The following RAD54B variants were observed in gnomAD, a reference collection of about 807,000 sequenced individuals.
RAD54B encodes the protein DNA repair and recombination protein RAD54B.
Under a neutral mutation model 95.8 loss-of-function variants are expected in RAD54B, and 78 were observed. That is an observed-to-expected ratio of 0.81 (90% confidence interval 0.68 to 0.98). The LOEUF (loss-of-function observed/expected upper bound fraction) is 0.98. Ranked by LOEUF, RAD54B falls within the 50% of genes least tolerant of loss-of-function variation. RAD54B has a pLI of 0.00. For synonymous variants in RAD54B, 328 were observed against 354.9 expected, an observed-to-expected ratio of 0.92 and a Z score of 0.85; for missense variants, 957 against 1,056.6, an observed-to-expected ratio of 0.91 and a Z score of 1.31.
At chr8:94,431,081 G>T (rs904906616) in intron 3 of RAD54B, 1 of 984,632 alleles carries the variant, frequency 1.0e-6, no homozygotes, top group Admixed American at 6.2e-5. Context: ...CAAAACCCCA[G>T]CAAAAATAGA....
intron 3 of RAD54B, among the ~76,000 whole-genome samples, chr8:94,423,858 A>G (rs1811879482): frequency 6.6e-6 from 1 of 152,218 alleles, no homozygotes; most frequent in African/African-American, 2.4e-5. Context: ...TTAAAAACTG[A>G]CAAAATCTTT....
At chr8:94,426,661 A>T (rs1265548012) in intron 3 of RAD54B, among the ~76,000 whole-genome samples, 1 of 152,196 alleles carries the variant, frequency 6.6e-6, no homozygotes, top group African/African-American at 2.4e-5. Context: ...ACTTATCTAT[A>T]ATTTTTTTTA....
intron 3 of RAD54B, chr8:94,436,929 A>G: frequency 6.9e-7 from 1 of 1,456,864 alleles, no homozygotes; most frequent in Non-Finnish European, 9.0e-7. Flanking sequence ...AGCTCTGCTC[A>G]GCTCTTTTCA....
intron 4 of RAD54B, 127 bp from the exon 5 acceptor site, chr8:94,407,847 G>A: frequency 4.9e-6 from 3 of 618,210 alleles, no homozygotes; most frequent in South Asian, 7.9e-5. Flanking sequence ...CAAAATGGAA[G>A]CATAATTTAA....
intron 11 of RAD54B, among the ~76,000 whole-genome samples, chr8:94,380,824 C>A (rs1232631898): frequency 2.0e-5 from 3 of 152,198 alleles, no homozygotes; most frequent in Non-Finnish European, 4.4e-5. Context: ...ATTTGCACCA[C>A]AGAATCTTGC....
chr8:94,414,301 A>G (rs528090912), intron 3 of RAD54B, among the ~76,000 whole-genome samples: 36 of 152,286 alleles, frequency 2.4e-4, no homozygotes, highest in African/African-American at 7.9e-4. Flanking sequence ...CTCTTTTCCT[A>G]ATTGAATACC....
chr8:94,378,827 A>T (rs1810664814), intron 12 of RAD54B, among the ~76,000 whole-genome samples, 193 bp from the exon 13 acceptor site: 1 of 152,252 alleles, frequency 6.6e-6, no homozygotes, highest in Non-Finnish European at 1.5e-5. Context: ...GGATGAGTGA[A>T]CACTTACTAT....
intron 3 of RAD54B, chr8:94,430,273 T>C (rs1812056718): frequency 2.2e-6 from 2 of 890,716 alleles, no homozygotes; most frequent in Non-Finnish European, 2.7e-6. Flanking sequence ...ATCGCACCAC[T>C]GCACTCCAAC....
In RAD54B at chr8:94,411,325, A is replaced by T. The variant is rs755158468; in HGVS notation, c.305-10T>A. Reference sequence around the variant, plus strand: ...TTAGGAGCCGAATGAACTACAATTAAAAAAAAAACACACATTATTAAAAAT... The same window carrying T: ...TTAGGAGCCGAATGAACTACAATTATAAAAAAAACACACATTATTAAAAAT... On this transcript the variant is annotated splice_polypyrimidine_tract_variant and intron_variant, in intron 3 of 14. Transcript: ENST00000336148. The T allele has an allele frequency of 6.5e-7, 1 of 1,539,018 alleles. No individual in the cohort carries two copies. The highest frequency in any genetic ancestry group is 1.3e-5 in the South Asian group (1 of 79,020).
intron 3 of RAD54B, chr8:94,430,562 G>T: frequency 2.9e-6 from 2 of 693,608 alleles, no homozygotes; most frequent in Non-Finnish European, 3.5e-6. Context: ...CTTGGAAATG[G>T]ATTTACATTT....
At chr8:94,435,912 T>C (rs1373596664) in intron 3 of RAD54B, among the ~76,000 whole-genome samples, 1 of 152,142 alleles carries the variant, frequency 6.6e-6, no homozygotes, top group Non-Finnish European at 1.5e-5. Flanking sequence ...CTCCCTTTAG[T>C]TGTGTTCATC....
chr8:94,459,294 A>C (rs1209315208), intron 2 of RAD54B, among the ~76,000 whole-genome samples: 4 of 151,572 alleles, frequency 2.6e-5, no homozygotes, highest in African/African-American at 9.7e-5. Flanking sequence ...CTGGAACTAC[A>C]AGCATGTGCC....
At chr8:94,456,033 G>C (rs544591679) in intron 3 of RAD54B, among the ~76,000 whole-genome samples, 4 of 152,226 alleles carry the variant, frequency 2.6e-5, no homozygotes, top group Non-Finnish European at 4.4e-5. Context: ...TTTGGTTTTT[G>C]AAAGCCCAGG....
At chr8:94,399,700 G>A in intron 7 of RAD54B, 79 bp from the exon 8 acceptor site, 1 of 1,458,450 alleles carries the variant, frequency 6.9e-7, no homozygotes. Flanking sequence ...ATTCCTGACA[G>A]TCACTTACTA....
chr8:94,459,122 TCTCA>T lies in RAD54B; in HGVS notation c.136-690_136-687del, dbSNP rs200982644. Among the ~76,000 whole-genome samples, 1,218 of 152,218 alleles carry T rather than the reference TCTCA, an allele frequency of 8.0e-3. 13 individuals carry two copies. Among genetic ancestry groups the T allele is most frequent in the African/African-American group, 0.026 (1,095 of 41,534 alleles). ...ATATTTTTAGGTGAGATAATGGTAA[TCTCA>T]CTATGTTGGGTTTTTTTAACAAGCC... On this transcript the variant is annotated intron_variant, in intron 2 of 14. Transcript: ENST00000336148.
chr8:94,446,870 T>C (rs1812534727), intron 3 of RAD54B, among the ~76,000 whole-genome samples: 1 of 151,768 alleles, frequency 6.6e-6, no homozygotes, highest in Non-Finnish European at 1.5e-5. Flanking sequence ...TAGCCTCCAG[T>C]GGCAGCAGAA....
At chr8:94,409,861 T>C (rs1288048242) in intron 4 of RAD54B, among the ~76,000 whole-genome samples, 1 of 152,198 alleles carries the variant, frequency 6.6e-6, no homozygotes, top group Non-Finnish European at 1.5e-5. Context: ...TCACTGACTT[T>C]AGAATTTCAC....
intron 9 of RAD54B, among the ~76,000 whole-genome samples, chr8:94,393,012 C>T (rs868175784): frequency 2.0e-5 from 3 of 150,144 alleles, no homozygotes; most frequent in South Asian, 4.3e-4. Flanking sequence ...TTAGTAGAGA[C>T]GGGGTTTCAC....
chr8:94,436,028 A>G (rs1812248405), intron 3 of RAD54B, among the ~76,000 whole-genome samples: 2 of 152,132 alleles, frequency 1.3e-5, no homozygotes. Flanking sequence ...TAGTTAACAT[A>G]TATTCAATAA....
Sources: gnomAD v4.1 joint callset for allele counts (sites outside exome capture counted in the v4.1 genomes callset) on GRCh38, gnomAD v4.1.1 for gene constraint, MANE v1.5 for transcripts, NCBI Gene and HGNC (gene_info 2026-07-23, HGNC 2026-07-21) for gene names.